GPR139: variants seen among roughly 807,000 people sequenced by gnomAD.
GPR139 encodes the protein G protein-coupled receptor 139.
A neutral mutation model predicts 25.8 loss-of-function variants in GPR139; 12 were observed. That is an observed-to-expected ratio of 0.47 (90% CI 0.30 to 0.75). GPR139 has a LOEUF of 0.75. Among genes scored for constraint, GPR139 ranks in the 30% least tolerant of loss-of-function variants. The pLI is 0.07. For synonymous variants in GPR139, 184 were observed against 179.9 expected (o/e 1.02, Z -0.18); for missense variants, 380 against 450.2 (o/e 0.84, Z 1.41).
At chr16:20,068,671 T>A (rs902375746) in intron 1 of GPR139, among the ~76,000 whole-genome samples, 1 of 152,316 alleles carries the variant, frequency 6.6e-6, no homozygotes, top group Admixed American at 6.5e-5. Flanking sequence ...GTGAGAGCAG[T>A]CATCCTTGCC....
At chr16:20,065,977 A>G (rs1187191290) in intron 1 of GPR139, among the ~76,000 whole-genome samples, 2 of 152,228 alleles carry the variant, frequency 1.3e-5, no homozygotes, top group Admixed American at 1.3e-4. Context: ...GCAATTATTA[A>G]GAGAAATAGT....
chr16:20,070,731 TAGTG>T (rs1237184591), intron 1 of GPR139, among the ~76,000 whole-genome samples: 1 of 152,210 alleles, frequency 6.6e-6, no homozygotes, highest in Non-Finnish European at 1.5e-5. Context: ...CTGCCAGGAA[TAGTG>T]ATTCAATTAA....
In GPR139 at chr16:20,073,656, C is replaced by CT. The variant is rs2057469324; in HGVS notation, c.-41dup. On this transcript the variant is annotated 5_prime_UTR_variant, in exon 1 of 2. Transcript: ENST00000570682. This position sits in a 1 kb window ranked among gnomAD's most constrained non-coding sequence, Gnocchi z 4.7. ...CTCCCCTTGCCGCTTCGCGCCCGGC[C>CT]TGCCAGCCCGACTCTGGTCGCCGGC... is the stretch of plus-strand genomic sequence containing the variant. 5 of 1,524,030 alleles carry CT rather than the reference C, an allele frequency of 3.3e-6. No individual in the cohort carries two copies. Among genetic ancestry groups the CT allele is most frequent in the Non-Finnish European group, 4.4e-6 (5 of 1,134,702 alleles). 94.4% of individuals were successfully genotyped at this position (1,524,030 alleles called of 1,614,324 possible). A position where few individuals can be genotyped will look rare whatever the true frequency, so the allele number is the denominator to read the frequency against.
intron 1 of GPR139, among the ~76,000 whole-genome samples, chr16:20,049,601 G>A (rs2057365360): frequency 6.6e-6 from 1 of 152,192 alleles, no homozygotes; most frequent in Non-Finnish European, 1.5e-5. Context: ...TTTCCCTATT[G>A]AATGTGATTG....
rs1000398834 is a variant in GPR139 at position 20,032,361 on chromosome 16, G to A, written c.436C>T (p.Arg146Trp). The change falls in exon 2 of 2, where the codon CGG becomes TGG. Residue 146 changes from arginine to tryptophan, a missense_variant. By Grantham distance (101) the Arg-to-Trp change is moderately radical (BLOSUM62 -3). Coordinates refer to ENST00000570682, the MANE Select transcript of GPR139 (RefSeq NM_001002911.4). ...YHTVSYPART[R>W]KVIVSVYITC... Reference sequence around the variant, plus strand: ...ATGTAAACACTTACAATGACTTTCCGGGTGCGGGCTGGGTATGAGACCGTG... The same window carrying A: ...ATGTAAACACTTACAATGACTTTCCAGGTGCGGGCTGGGTATGAGACCGTG... The A allele has an allele frequency of 6.2e-6, 10 of 1,614,206 alleles. No individual in the cohort carries two copies. Among genetic ancestry groups the A allele is most frequent in the Middle Eastern group, 1.6e-4 (1 of 6,062 alleles).
At chr16:20,053,186 G>A (rs1450608606) in intron 1 of GPR139, among the ~76,000 whole-genome samples, 4 of 152,180 alleles carry the variant, frequency 2.6e-5, no homozygotes, top group Non-Finnish European at 4.4e-5. Context: ...AACTCTAACG[G>A]ATCACTTGTT....
intron 1 of GPR139, among the ~76,000 whole-genome samples, chr16:20,065,928 A>G (rs1225953055): frequency 6.6e-6 from 1 of 151,998 alleles, no homozygotes; most frequent in African/African-American, 2.4e-5. Flanking sequence ...AAGTGTTTTG[A>G]AGAATGCTTA....
intron 1 of GPR139, among the ~76,000 whole-genome samples, chr16:20,055,115 C>T (rs191264653): frequency 6.8e-6 from 1 of 147,576 alleles, no homozygotes; most frequent in East Asian, 2.0e-4. Flanking sequence ...CCTCCACCGT[C>T]TGATAGGCCC....
At chr16:20,041,440 T>G (rs1231893255) in intron 1 of GPR139, among the ~76,000 whole-genome samples, 1 of 151,494 alleles carries the variant, frequency 6.6e-6, no homozygotes, top group Non-Finnish European at 1.5e-5. Context: ...ACATAAGAAG[T>G]CAGCAATGCC....
intron 1 of GPR139, among the ~76,000 whole-genome samples, chr16:20,049,966 C>T (rs974850627): frequency 1.3e-5 from 2 of 152,234 alleles, no homozygotes; most frequent in African/African-American, 4.8e-5. Context: ...CAGCTTCCTT[C>T]GCTTTCTTTC....
Position 20,062,829 on chromosome 16 carries a change from T to C in GPR139, c.127+10661A>G, listed in dbSNP as rs534299439. Among the ~76,000 whole-genome samples the C allele has an allele frequency of 5.0e-3, 763 of 152,346 alleles. 13 individuals are homozygous for C. Among genetic ancestry groups the C allele is most frequent in the Non-Finnish European group, 4.2e-3 (284 of 68,032 alleles). ...TTAACTATATACATCCAAAATGTAA[T>C]TTATGTAAACTATTGATGAGATATT... On this transcript the variant is annotated intron_variant, in intron 1 of 1. Transcript: ENST00000570682.
rs1016037338 is a variant in GPR139, at chr16:20,031,565, T to G, written c.*170A>C. On this transcript the variant is annotated 3_prime_UTR_variant, in exon 2 of 2. Transcript: ENST00000570682. ...ATAAGTAAAAACAAGCTTCATGCTCTCCTTTCTTCTCTTCCATCTCTTCTC... is the reference window on the plus strand; with the variant it reads ...ATAAGTAAAAACAAGCTTCATGCTCGCCTTTCTTCTCTTCCATCTCTTCTC... The G allele has an allele frequency of 1.3e-5, 8 of 617,546 alleles. No individual in the cohort carries two copies. The highest frequency in any genetic ancestry group is 2.3e-5 in the Non-Finnish European group (8 of 345,562). The allele number at this position is 617,546 out of a possible 1,614,324, so 38.3% of individuals were successfully genotyped here. A position where few individuals can be genotyped will look rare whatever the true frequency, so the allele number is the denominator to read the frequency against.
Position 20,031,925 on chromosome 16 carries a change from C to A in GPR139, c.872G>T (p.Arg291Leu). ...NFFLYCFISK[R>L]FRTMAAATLK... ...CGTGGCGGCTGCCATGGTGCGGAAC[C>A]GCTTGCTGATGAAGCAGTAGAGGAA... Residue 291 changes from arginine (R) to leucine (L), a missense_variant, in exon 2 of 2, where the codon CGG (arginine) becomes CTG (leucine). Transcript: ENST00000570682. 6.2e-7 allele frequency: 1 copy of A among 1,614,158 alleles called. No homozygotes were observed. The highest frequency in any genetic ancestry group is 8.5e-7 in the Non-Finnish European group (1 of 1,180,026).
At chr16:20,072,512 C>A (rs2057463224) in intron 1 of GPR139, among the ~76,000 whole-genome samples, 1 of 152,196 alleles carries the variant, frequency 6.6e-6, no homozygotes, top group African/African-American at 2.4e-5. Flanking sequence ...CTCCTCTCTG[C>A]ATGCAAGTAA....
At chr16:20,041,278 C>A in intron 1 of GPR139, among the ~76,000 whole-genome samples, 1 of 131,846 alleles carries the variant, frequency 7.6e-6, no homozygotes, top group African/African-American at 2.8e-5. Context: ...GCATCTCTCT[C>A]TGACAAAGTT....
chr16:20,048,869 C>G (rs1414983052), intron 1 of GPR139, among the ~76,000 whole-genome samples: 2 of 152,180 alleles, frequency 1.3e-5, no homozygotes, highest in African/African-American at 4.8e-5. Flanking sequence ...CACCTTGCCA[C>G]TTTATTTTAG....
intron 1 of GPR139, among the ~76,000 whole-genome samples, chr16:20,058,441 C>T (rs984385107): frequency 2.0e-5 from 3 of 150,406 alleles, no homozygotes; most frequent in Admixed American, 6.6e-5. Context: ...GGAACAGAAG[C>T]GAGAGAAACA....
At chr16:20,039,144 C>G (rs868554) in intron 1 of GPR139, among the ~76,000 whole-genome samples, 29,115 of 152,174 alleles carry the variant, frequency 0.19, 3,523 homozygotes, top group East Asian at 0.35. Context: ...GACTGCAAAG[C>G]TTCTTGGTTA....
At chr16:20,037,985 T>G (rs1474435383) in intron 1 of GPR139, among the ~76,000 whole-genome samples, 2 of 151,890 alleles carry the variant, frequency 1.3e-5, no homozygotes, top group Non-Finnish European at 1.5e-5. Context: ...CTCAGCCTCC[T>G]GAGTAGCTGG....
Sources: gnomAD v4.1 joint callset for allele counts (sites outside exome capture counted in the v4.1 genomes callset) on GRCh38, gnomAD v4.1.1 for gene constraint, Gnocchi (gnomAD v3.1) non-coding constraint, MANE v1.5 for transcripts, NCBI Gene and HGNC (gene_info 2026-07-23, HGNC 2026-07-21) for gene names.